Variants in TRAPPC2 observed in about 807,000 individuals in gnomAD.
TRAPPC2 encodes the protein sedlin.
In TRAPPC2, 4 loss-of-function variants were observed where a neutral mutation model predicts 10.0. The ratio of observed to expected loss-of-function variants is 0.40; its 90% CI spans 0.20 to 0.92. The LOEUF is 0.92. Among genes scored for constraint, TRAPPC2 ranks in the 40% least tolerant of loss-of-function variants. The pLI, the probability that TRAPPC2 is intolerant of heterozygous loss-of-function variation, is 0.35. For synonymous variants in TRAPPC2, 36 were observed against 37.3 expected, an observed-to-expected ratio of 0.97 and a Z score of 0.12; for missense variants, 52 against 108.7, an observed-to-expected ratio of 0.48 and a Z score of 2.32.
intron 2 of TRAPPC2, among the ~76,000 whole-genome samples, chrX:13,729,823 G>A (rs1002504565): frequency 3.6e-5 from 4 of 111,919 alleles, no homozygotes; most frequent in African/African-American, 1.3e-4. Flanking sequence ...CAGAAGAATT[G>A]CTTGAATCCA....
chrX:13,714,308 C>T lies in TRAPPC2; in HGVS notation c.*99G>A. On this transcript the variant is annotated 3_prime_UTR_variant, in exon 6 of 6. Transcript: ENST00000380579. ...TAGGTTTAGATAAGCTGAGAATACA[C>T]AAAAGTTTTCCAGGCTATTTAATCA... The T allele has an allele frequency of 4.2e-6, 2 of 478,519 alleles. No homozygotes were observed. The highest frequency in any genetic ancestry group is 3.4e-6 in the Non-Finnish European group (1 of 298,223). The allele number at this position is 478,519 out of a possible 1,213,427, so 39.4% of individuals were successfully genotyped here.
chrX:13,719,864 T>G lies in TRAPPC2; in HGVS notation c.93+7A>C, dbSNP rs374796724. The G allele has an allele frequency of 3.4e-6, 4 of 1,159,638 alleles. No homozygotes were observed. The highest frequency in any genetic ancestry group is 3.5e-6 in the Non-Finnish European group (3 of 857,965). ...ATCATTACAATAGCATAAAAATTCT[T>G]ACGTACTTTGGATTCTGCCTTCCCA... On this transcript the variant is annotated splice_region_variant and intron_variant, in intron 3 of 5. Transcript: ENST00000380579.
chrX:13,718,353 G>A (rs750313538), intron 3 of TRAPPC2, among the ~76,000 whole-genome samples: 7 of 113,226 alleles, frequency 6.2e-5, no homozygotes, highest in African/African-American at 2.2e-4. Context: ...ATGTTTTTGT[G>A]TCTGGCTCAC....
At chrX:13,722,792 G>A (rs761412791) in intron 2 of TRAPPC2, among the ~76,000 whole-genome samples, 69 of 111,782 alleles carry the variant, frequency 6.2e-4, no homozygotes, top group African/African-American at 1.9e-3. Flanking sequence ...GGCCAGGCGC[G>A]GTGGCTCACG....
rs1038375987 is a variant in TRAPPC2 at position 13,724,474 on chromosome X, A to G, written c.-19-4492T>C. The stretch of plus-strand genomic sequence containing the variant: ...GCAAGGGAGAAGGGTCAACTGCTTC[A>G]AGCGCTTGCTACACACTGAAATAAT... On this transcript the variant is annotated intron_variant, in intron 2 of 5. Transcript: ENST00000380579. Among the ~76,000 whole-genome samples, 3 of 110,576 alleles carry G rather than the reference A, an allele frequency of 2.7e-5. No homozygotes were observed. The Admixed American group carries it at 2.9e-4, about 11-fold the overall frequency.
intron 2 of TRAPPC2, among the ~76,000 whole-genome samples, chrX:13,724,130 C>T (rs1200393239): frequency 9.0e-6 from 1 of 111,163 alleles, no homozygotes; most frequent in Admixed American, 9.6e-5. Context: ...GTTTGGCTCT[C>T]AAGTGAGAGC....
At chrX:13,724,981 C>G (rs1009293508) in intron 2 of TRAPPC2, among the ~76,000 whole-genome samples, 3 of 113,313 alleles carry the variant, frequency 2.6e-5, no homozygotes, top group African/African-American at 6.4e-5. Flanking sequence ...CCCACGCCCA[C>G]GGAGCCTTGC....
At chrX:13,730,686 G>C (rs1401895321) in intron 2 of TRAPPC2, among the ~76,000 whole-genome samples, 2 of 111,639 alleles carry the variant, frequency 1.8e-5, no homozygotes, top group Non-Finnish European at 3.8e-5. Flanking sequence ...ATCAATGATA[G>C]ACTGGATTAG....
intron 2 of TRAPPC2, among the ~76,000 whole-genome samples, chrX:13,732,419 G>T (rs1459790419): frequency 3.6e-5 from 4 of 112,631 alleles, no homozygotes; most frequent in African/African-American, 1.3e-4. Flanking sequence ...AAGGGACTTG[G>T]CTAGGGATGG....
At chrX:13,717,032 G>GT (rs1168828909) in intron 3 of TRAPPC2, among the ~76,000 whole-genome samples, 3 of 21,785 alleles carry the variant, frequency 1.4e-4, no homozygotes, top group African/African-American at 5.8e-4. Context: ...AGGATACTAT[G>GT]TTAAAAAAAA....
chrX:13,716,954 T>A (rs2046301012), intron 3 of TRAPPC2, among the ~76,000 whole-genome samples: 1 of 105,918 alleles, frequency 9.4e-6, no homozygotes. Flanking sequence ...ATCTTTTTCA[T>A]ATAAATTTTT....
intron 2 of TRAPPC2, among the ~76,000 whole-genome samples, chrX:13,725,667 G>A (rs2046531894): frequency 8.9e-6 from 1 of 112,583 alleles, no homozygotes; most frequent in Non-Finnish European, 1.9e-5. Flanking sequence ...AAACAGAAAA[G>A]CTGAAAATTC....
rs1211328612 is a variant in TRAPPC2, at chrX:13,734,581, C to T, written c.-218G>A. 1.0e-5 allele frequency: 6 copies of T among 578,623 alleles called. No individual in the cohort carries two copies. Among genetic ancestry groups the T allele is most frequent in the Non-Finnish European group, 2.2e-6 (1 of 453,823 alleles). 47.7% of individuals were successfully genotyped at this position (578,623 alleles called of 1,213,427 possible). On this transcript the variant is annotated 5_prime_UTR_variant, in exon 1 of 6. Coordinates refer to ENST00000380579, the MANE Select transcript of TRAPPC2 (RefSeq NM_001011658.4). ...TGTCAGTTTCCGCGGAAGAGACCCG[C>T]GCCCCGAACCTGTAGCCAGAACGCC...
chrX:13,715,708 T>C (rs1319103917), intron 5 of TRAPPC2: 1 of 675,958 alleles, frequency 1.5e-6, no homozygotes, highest in African/African-American at 2.3e-5. Context: ...GCTGCTTTCT[T>C]GCTGTCTTTA....
At chrX:13,716,959 AT>A (rs1341661130) in intron 3 of TRAPPC2, among the ~76,000 whole-genome samples, 4 of 105,500 alleles carry the variant, frequency 3.8e-5, no homozygotes, top group Non-Finnish European at 5.8e-5. Context: ...TTTCATATAA[AT>A]TTTTTTTCAT....
chrX:13,729,535 T>G (rs1248716892), intron 2 of TRAPPC2, among the ~76,000 whole-genome samples: 1 of 112,489 alleles, frequency 8.9e-6, no homozygotes, highest in Non-Finnish European at 1.9e-5. Flanking sequence ...CTGGGAAAAC[T>G]GGCTAGCCAT....
intron 2 of TRAPPC2, among the ~76,000 whole-genome samples, chrX:13,733,453 A>C (rs2046725693): frequency 8.9e-6 from 1 of 111,937 alleles, no homozygotes; most frequent in East Asian, 2.8e-4. Context: ...TTCTGTCTGC[A>C]ACCACTACCC....
In TRAPPC2 at chrX:13,722,791, C is replaced by T. The variant is rs190385006; in HGVS notation, c.-19-2809G>A. Among the ~76,000 whole-genome samples the T allele has an allele frequency of 1.6e-4, 18 of 111,741 alleles. No individual in the cohort carries two copies. In the East Asian group the frequency reaches 1.7e-3, roughly 10 times the overall value. On this transcript the variant is annotated intron_variant, in intron 2 of 5. Coordinates refer to ENST00000380579, the MANE Select transcript of TRAPPC2 (RefSeq NM_001011658.4). ...AAATGTGGCTAGTGTAGGCCAGGCG[C>T]GGTGGCTCACGCCTGTAATCCCAGC...
At chrX:13,714,932 T>C (rs992053030) in intron 5 of TRAPPC2, among the ~76,000 whole-genome samples, 2 of 112,520 alleles carry the variant, frequency 1.8e-5, no homozygotes, top group African/African-American at 6.5e-5. Context: ...TACTCTCCTT[T>C]AACACAAGAC....
Sources: allele counts gnomAD v4.1 joint callset (sites outside exome capture counted in the v4.1 genomes callset), GRCh38; gene constraint gnomAD v4.1.1; transcripts MANE v1.5; gene names NCBI Gene and HGNC (gene_info 2026-07-23, HGNC 2026-07-21).